Variants in SH3PXD2B observed in about 807,000 individuals in gnomAD.
The protein encoded by SH3PXD2B is SH3 and PX domain-containing protein 2B.
SH3PXD2B carries 37 observed loss-of-function variants against 73.1 expected under a neutral mutation model. The observed-to-expected ratio is 0.51, with a 90% CI of 0.39 to 0.67. SH3PXD2B has a LOEUF of 0.67. Among genes scored for constraint, SH3PXD2B ranks in the 30% least tolerant of loss-of-function variants. The probability of loss-of-function intolerance (pLI) is 0.00; values close to 1 mark genes in which losing one functional copy is unlikely to be tolerated. For synonymous variants in SH3PXD2B, 457 were observed against 480.5 expected, an observed-to-expected ratio of 0.95 and a Z score of 0.64; for missense variants, 1,053 against 1,197.8, an observed-to-expected ratio of 0.88 and a Z score of 1.78.
chr5:172,439,196 C>T (rs1466135693), intron 1 of SH3PXD2B, among the ~76,000 whole-genome samples: 11 of 143,612 alleles, frequency 7.7e-5, no homozygotes, highest in South Asian at 2.2e-4. Flanking sequence ...GGCAAGATCA[C>T]GCCACTGCAC....
In SH3PXD2B at chr5:172,348,646, CTATCTATCCTATCTATCTAT is replaced by C. The variant is rs1581265553; in HGVS notation, c.1013-1334_1013-1315del. Among the ~76,000 whole-genome samples the C allele has an allele frequency of 4.7e-4, 29 of 61,388 alleles. No homozygotes were observed. The East Asian group carries it at 4.8e-3, about 10-fold the overall frequency. 40.3% of individuals were successfully genotyped at this position (61,388 alleles called of 152,430 possible). On this transcript the variant is annotated intron_variant, in intron 10 of 12. Transcript: ENST00000311601. ...TCTATGTATCTATCTATGTATCTAT[CTATCTATCCTATCTATCTAT>C]CTATCTATCTATCTATCTATCTATC...
At chr5:172,422,219 T>G (rs766224107) in intron 2 of SH3PXD2B, among the ~76,000 whole-genome samples, 197 bp downstream of exon 2, 1 of 152,190 alleles carries the variant, frequency 6.6e-6, no homozygotes, top group Non-Finnish European at 1.5e-5. Context: ...GGTCTCAAAC[T>G]TCTAACCTCG....
chr5:172,327,291 C>G (rs1441634290), intron 12 of SH3PXD2B, among the ~76,000 whole-genome samples: 1 of 152,162 alleles, frequency 6.6e-6, no homozygotes, highest in Admixed American at 6.5e-5. Flanking sequence ...GTGAGAAAGG[C>G]ACTATTGTCC....
rs778016569 is a variant in SH3PXD2B, at chr5:172,339,723, C to A, written c.1382G>T (p.Ser461Ile). 6.2e-7 allele frequency: 1 copy of A among 1,614,176 alleles called. No homozygotes were observed. Among genetic ancestry groups the A allele is most frequent in the East Asian group, 2.2e-5 (1 of 44,886 alleles). The change falls in exon 13 of 13, where the codon AGC becomes ATC. Residue 461 changes from serine to isoleucine, a missense_variant. This residue lies in a region of SH3PXD2B where 587 missense variants were observed against 590.7 expected (regional missense o/e 0.99). Transcript: ENST00000311601. This position sits in a 1 kb window ranked among gnomAD's most constrained non-coding sequence, Gnocchi z 6.1. ...EAAALENNTGSEATGPSRPLP... is the reference protein window; with the variant it reads ...EAAALENNTGIEATGPSRPLP... ...GGGCCGGGAGGGGCCCGTGGCTTCG[C>A]TGCCCGTGTTGTTCTCCAGCGCTGC... is the stretch of plus-strand genomic sequence containing the variant.
At chr5:172,420,463 T>C (rs1217588478) in intron 2 of SH3PXD2B, among the ~76,000 whole-genome samples, 1 of 151,854 alleles carries the variant, frequency 6.6e-6, no homozygotes, top group Non-Finnish European at 1.5e-5. Flanking sequence ...CTCTGAAAAT[T>C]CTCTATTCAG....
chr5:172,340,597 GACCT>G (rs987320765), intron 12 of SH3PXD2B, among the ~76,000 whole-genome samples: 5 of 152,020 alleles, frequency 3.3e-5, no homozygotes, highest in African/African-American at 1.2e-4. Context: ...ACATGAAAGA[GACCT>G]ACCTTTTTTT....
intron 1 of SH3PXD2B, among the ~76,000 whole-genome samples, chr5:172,428,226 G>C (rs142852950): frequency 2.6e-5 from 4 of 152,290 alleles, no homozygotes; most frequent in Non-Finnish European, 5.9e-5. Context: ...TACATTTCTT[G>C]AAGTCTTGGT....
At chr5:172,383,167 T>C (rs897962384) in intron 4 of SH3PXD2B, among the ~76,000 whole-genome samples, 5 of 152,208 alleles carry the variant, frequency 3.3e-5, no homozygotes, top group African/African-American at 1.2e-4. Context: ...ATATATGTCT[T>C]AACTCACGAA....
chr5:172,439,779 G>A (rs919858298), intron 1 of SH3PXD2B, among the ~76,000 whole-genome samples: 7 of 151,462 alleles, frequency 4.6e-5, no homozygotes, highest in South Asian at 2.1e-4. Flanking sequence ...CTTATCCAGC[G>A]GCATGGGCAG....
At chr5:172,342,073 C>T (rs147812456) in intron 12 of SH3PXD2B, among the ~76,000 whole-genome samples, 13 of 152,236 alleles carry the variant, frequency 8.5e-5, no homozygotes, top group African/African-American at 1.9e-4. Context: ...GGGATGACCA[C>T]GTGAGAAACA....
rs1278595495 is a variant in SH3PXD2B at position 172,336,687 on chromosome 5, G to A, written c.*1682C>T. ...CTGTGAACTGGAGATCTCTGGGGCAGGGCAGGGTGGGGAGGGGCGGGGCAG... is the reference window on the plus strand; with the variant it reads ...CTGTGAACTGGAGATCTCTGGGGCAAGGCAGGGTGGGGAGGGGCGGGGCAG... On this transcript the variant is annotated 3_prime_UTR_variant, in exon 13 of 13. Transcript: ENST00000311601. The A allele has an allele frequency of 5.1e-6, 5 of 984,794 alleles. No individual in the cohort carries two copies. The highest frequency in any genetic ancestry group is 4.7e-5 in the South Asian group (1 of 21,250). The allele number at this position is 984,794 out of a possible 1,614,324, so 61.0% of individuals were successfully genotyped here.
intron 12 of SH3PXD2B, among the ~76,000 whole-genome samples, chr5:172,345,273 C>T (rs1756971101): frequency 6.6e-6 from 1 of 152,098 alleles, no homozygotes; most frequent in East Asian, 1.9e-4. Context: ...GTGCTCTGTG[C>T]CAGGGACCAG....
rs866122777 is a variant in SH3PXD2B at position 172,368,629 on chromosome 5, T to A, written c.427+5161A>T. Among the ~76,000 whole-genome samples, 9 of 10,690 alleles carry A rather than the reference T, an allele frequency of 8.4e-4. 1 individual carries two copies. The highest frequency in any genetic ancestry group is 6.2e-3 in the African/African-American group (8 of 1,290). 7.0% of individuals were successfully genotyped at this position (10,690 alleles called of 152,430 possible). On this transcript the variant is annotated intron_variant, in intron 6 of 12. Coordinates refer to ENST00000311601, the MANE Select transcript of SH3PXD2B (RefSeq NM_001017995.3). ...ATAATATATATGTTATATATATATA[T>A]AATATATATGTTATATATATAAAAT...
intron 2 of SH3PXD2B, among the ~76,000 whole-genome samples, chr5:172,414,888 CAT>C (rs936380562): frequency 2.9e-4 from 44 of 152,302 alleles, no homozygotes; most frequent in Admixed American, 1.5e-3. Flanking sequence ...CACCTTTGCA[CAT>C]GAGGTGTCCT....
rs560923763 is a variant in SH3PXD2B, at chr5:172,451,191, T to G, written c.75+3087A>C. Reference sequence around the variant, plus strand: ...GGCAGCCCTGAACTCCGGGTGCAGTTCTCCAATGACATCTACAGCACCTGT... The same window carrying G: ...GGCAGCCCTGAACTCCGGGTGCAGTGCTCCAATGACATCTACAGCACCTGT... On this transcript the variant is annotated intron_variant, in intron 1 of 12. Transcript: ENST00000311601. 2.6e-5 allele frequency among the ~76,000 whole-genome samples: 4 copies of G among 152,226 alleles called. No homozygotes were observed. The South Asian group carries it at 8.3e-4, about 32-fold the overall frequency.
intron 5 of SH3PXD2B, among the ~76,000 whole-genome samples, chr5:172,380,340 C>T (rs1198746668): frequency 4.6e-5 from 7 of 152,158 alleles, no homozygotes; most frequent in African/African-American, 7.2e-5. Context: ...GGATTACAGG[C>T]GTGAGGGAAT....
chr5:172,420,080 TC>T (rs1758924847), intron 2 of SH3PXD2B, among the ~76,000 whole-genome samples: 1 of 152,204 alleles, frequency 6.6e-6, no homozygotes, highest in African/African-American at 2.4e-5. Context: ...ATGCTGGGCA[TC>T]CCCACTGTGA....
intron 2 of SH3PXD2B, among the ~76,000 whole-genome samples, chr5:172,419,627 C>T (rs1213860999): frequency 1.3e-5 from 2 of 152,130 alleles, no homozygotes; most frequent in Non-Finnish European, 2.9e-5. Flanking sequence ...ACAGATGGCC[C>T]GGGAGCTGCC....
At chr5:172,363,281 C>A (rs994974416) in intron 6 of SH3PXD2B, among the ~76,000 whole-genome samples, 1 of 152,134 alleles carries the variant, frequency 6.6e-6, no homozygotes, top group Non-Finnish European at 1.5e-5. Flanking sequence ...AAATTAAACA[C>A]CATCATCCAT....
Sources: gnomAD v4.1 joint callset for allele counts (sites outside exome capture counted in the v4.1 genomes callset) on GRCh38, gnomAD v4.1.1 for gene constraint, gnomAD v4.1.1 regional missense constraint, Gnocchi (gnomAD v3.1) non-coding constraint, MANE v1.5 for transcripts, NCBI Gene and HGNC (gene_info 2026-07-23, HGNC 2026-07-21) for gene names.